The following MCFD2 variants were observed in gnomAD, a reference collection of about 807,000 sequenced individuals.
MCFD2 encodes the protein multiple coagulation factor deficiency protein 2.
A neutral mutation model predicts 12.8 loss-of-function variants in MCFD2; 11 were observed. That is an observed-to-expected ratio of 0.86 (90% CI 0.54 to 1.42). MCFD2 has a LOEUF of 1.42. Ranked by LOEUF, MCFD2 falls within the 40% of genes most tolerant of loss-of-function variation. The pLI, the probability that MCFD2 is intolerant of heterozygous loss-of-function variation, is 0.00. For synonymous variants in MCFD2, 70 were observed against 68.1 expected, an observed-to-expected ratio of 1.03 and a Z score of -0.14; for missense variants, 191 against 178.6, an observed-to-expected ratio of 1.07 and a Z score of -0.40.
chr2:46,922,217 A>G (rs185756789), intron 1 of MCFD2, among the ~76,000 whole-genome samples: 33 of 152,282 alleles, frequency 2.2e-4, no homozygotes, highest in Non-Finnish European at 3.7e-4. Context: ...TGCCAGGCTG[A>G]TACTATAATG....
chr2:46,905,345 G>A lies in MCFD2; in HGVS notation c.*118C>T. The A allele has an allele frequency of 8.6e-7, 1 of 1,167,120 alleles. No individual in the cohort carries two copies. Among genetic ancestry groups the A allele is most frequent in the Non-Finnish European group, 1.3e-6 (1 of 779,156 alleles). The allele number at this position is 1,167,120 out of a possible 1,614,324, so 72.3% of individuals were successfully genotyped here. A position where few individuals can be genotyped will look rare whatever the true frequency, so the allele number is the denominator to read the frequency against. On this transcript the variant is annotated 3_prime_UTR_variant, in exon 4 of 4. Transcript: ENST00000319466. ...CACCCCAGTGTAACGAATCGCTACAGGTTTTTACCAAAATGCTGCAGCAGT... is the reference window on the plus strand; with the variant it reads ...CACCCCAGTGTAACGAATCGCTACAAGTTTTTACCAAAATGCTGCAGCAGT...
At position 46,937,899 on chromosome 2, in the gene MCFD2, G is replaced by A. The variant is rs1166951758; in HGVS notation, c.-8+3673C>T. On this transcript the variant is annotated intron_variant, in intron 1 of 2. Transcript: ENST00000409147. The surrounding 1 kb of genome is among the most constrained non-coding windows in gnomAD (Gnocchi z 4.0). Reference sequence around the variant, plus strand: ...GTCAAGAGAGAAGTCTGTTCAGCAGGTCATGGACTGAAGAAAACTACTGTG... The same window carrying A: ...GTCAAGAGAGAAGTCTGTTCAGCAGATCATGGACTGAAGAAAACTACTGTG... 6.6e-6 allele frequency among the ~76,000 whole-genome samples: 1 copy of A among 152,128 alleles called. No homozygotes were observed. The highest frequency in any genetic ancestry group is 2.4e-5 in the African/African-American group (1 of 41,412).
chr2:46,915,912 A>G (rs1049696307), upstream of MCFD2: 56 of 983,976 alleles, frequency 5.7e-5, no homozygotes, highest in Admixed American at 6.2e-4. Context: ...GGCTGTGAGG[A>G]CGGCTCGCGT....
intron 1 of MCFD2, among the ~76,000 whole-genome samples, chr2:46,922,500 T>C (rs963147394): frequency 6.6e-6 from 1 of 151,990 alleles, no homozygotes; most frequent in African/African-American, 2.4e-5. Flanking sequence ...CAGACCTGAG[T>C]GCGGGCAGAG....
rs921669681 is a variant in MCFD2, at chr2:46,941,487, C to T, written c.-8+85G>A. On this transcript the variant is annotated intron_variant, in intron 1 of 2. Transcript: ENST00000409147. This position sits in a 1 kb window ranked among gnomAD's most constrained non-coding sequence, Gnocchi z 4.2. ...AGTGCGCCCCAGCCAGGACGCCGCC[C>T]CCGGCCGGGTCTCCACTTCTTGGCC... is the stretch of plus-strand genomic sequence containing the variant. 10 of 1,523,308 alleles carry T rather than the reference C, an allele frequency of 6.6e-6. No homozygotes were observed. Among genetic ancestry groups the T allele is most frequent in the Non-Finnish European group, 8.8e-6 (10 of 1,133,884 alleles). The allele number at this position is 1,523,308 out of a possible 1,614,324, so 94.4% of individuals were successfully genotyped here.
rs1445718398 is a variant in MCFD2 at position 46,902,685 on chromosome 2, ACT to A, written c.*2776_*2777del. ...GGCTAGGCTGAACTCAGAATCTCAG[ACT>A]CTGTGGCTAGGCTGACATTCTTATG... On this transcript the variant is annotated 3_prime_UTR_variant, in exon 4 of 4. Coordinates refer to ENST00000319466, the MANE Select transcript of MCFD2 (RefSeq NM_139279.6). 1 of 152,570 alleles carries A rather than the reference ACT, an allele frequency of 6.6e-6. No homozygotes were observed. The highest frequency in any genetic ancestry group is 1.5e-5 in the Non-Finnish European group (1 of 68,036). 9.5% of individuals were successfully genotyped at this position (152,570 alleles called of 1,614,324 possible).
intron 1 of MCFD2, among the ~76,000 whole-genome samples, chr2:46,934,935 G>C (rs1380055057): frequency 6.6e-6 from 1 of 151,460 alleles, no homozygotes; most frequent in African/African-American, 2.4e-5. Context: ...TGAGTAGCTG[G>C]AACTACAGGC....
In MCFD2 at chr2:46,902,482, T is replaced by C. The variant is rs1230089936; in HGVS notation, c.*2981A>G. On this transcript the variant is annotated 3_prime_UTR_variant, in exon 4 of 4. Transcript: ENST00000319466. ...ATAGAAAAGAAAGCTAAACCACTAT[T>C]GATTAGAGAACACACTCAAATTCAG... 1 of 152,602 alleles carries C rather than the reference T, an allele frequency of 6.6e-6. No individual in the cohort carries two copies. The highest frequency in any genetic ancestry group is 1.5e-5 in the Non-Finnish European group (1 of 68,048). 9.5% of individuals were successfully genotyped at this position (152,602 alleles called of 1,614,324 possible).
At chr2:46,928,804 A>T (rs1669539227) in intron 1 of MCFD2, among the ~76,000 whole-genome samples, 1 of 151,962 alleles carries the variant, frequency 6.6e-6, no homozygotes, top group Non-Finnish European at 1.5e-5. Context: ...AATCATATAA[A>T]GTTTACTCAC....
At chr2:46,905,746 C>A (rs925384551) in intron 3 of MCFD2, 152 bp from the exon 4 acceptor site, 7 of 778,464 alleles carry the variant, frequency 9.0e-6, no homozygotes, top group African/African-American at 9.0e-5. Context: ...TATCCACGCT[C>A]ATATGTGTCC....
intron 1 of MCFD2, among the ~76,000 whole-genome samples, chr2:46,914,552 A>G (rs369204446): frequency 6.6e-6 from 1 of 152,232 alleles, no homozygotes; most frequent in Non-Finnish European, 1.5e-5. Flanking sequence ...CTATTTGTTC[A>G]TCTAGGGAGC....
rs1306105825 is a variant in MCFD2, at chr2:46,941,384, G to GC, written c.-8+187dup. On this transcript the variant is annotated intron_variant, in intron 1 of 2. Transcript: ENST00000409147. The surrounding 1 kb of genome is among the most constrained non-coding windows in gnomAD (Gnocchi z 4.2). ...TGCTGGTGCTGCTGCTGCTGCTGCT[G>GC]CCCACCCTCCGCCGCCCGGGCCCCC... 1 of 525,352 alleles carries GC rather than the reference G, an allele frequency of 1.9e-6. No homozygotes were observed. Among genetic ancestry groups the GC allele is most frequent in the African/African-American group, 2.0e-5 (1 of 49,346 alleles). 32.5% of individuals were successfully genotyped at this position (525,352 alleles called of 1,614,324 possible).
In MCFD2 at chr2:46,902,363, G is replaced by C. The variant is rs13424086; in HGVS notation, c.*3100C>G. The C allele has an allele frequency of 0.033, 4,988 of 152,638 alleles. 103 individuals carry two copies. Among genetic ancestry groups the C allele is most frequent in the Non-Finnish European group, 0.047 (3,213 of 68,024 alleles). 9.5% of individuals were successfully genotyped at this position (152,638 alleles called of 1,614,324 possible). On this transcript the variant is annotated 3_prime_UTR_variant, in exon 4 of 4. Coordinates refer to ENST00000319466, the MANE Select transcript of MCFD2 (RefSeq NM_139279.6). Reference sequence around the variant, plus strand: ...AATTATCTTTTCACTTCCTACTTAGGCTAGGCCAGGTGGTAGTTTTACCCC... The same window carrying C: ...AATTATCTTTTCACTTCCTACTTAGCCTAGGCCAGGTGGTAGTTTTACCCC...
At chr2:46,918,237 G>C (rs945975446), upstream of MCFD2, among the ~76,000 whole-genome samples, 2 of 152,156 alleles carry the variant, frequency 1.3e-5, no homozygotes, top group African/African-American at 4.8e-5. Flanking sequence ...TACTCATTCT[G>C]TTGTTCAAGC....
At chr2:46,931,538 G>A (rs1197779919) in intron 1 of MCFD2, among the ~76,000 whole-genome samples, 1 of 152,156 alleles carries the variant, frequency 6.6e-6, no homozygotes, top group Non-Finnish European at 1.5e-5. Flanking sequence ...TCAGAGTAGA[G>A]GTGCCCATGG....
intron 1 of MCFD2, among the ~76,000 whole-genome samples, chr2:46,935,388 C>T (rs1472662060): frequency 1.3e-5 from 2 of 152,128 alleles, no homozygotes; most frequent in Non-Finnish European, 2.9e-5. Context: ...TTAAAATAAA[C>T]TCCTTTCTTG....
At chr2:46,912,601 G>A (rs1398218217) in intron 1 of MCFD2, 1 of 152,214 alleles carries the variant, frequency 6.6e-6, no homozygotes, top group Non-Finnish European at 1.5e-5. Flanking sequence ...GTAGGTATTC[G>A]TCCTGCAGGC....
intron 1 of MCFD2, among the ~76,000 whole-genome samples, chr2:46,923,457 C>G (rs1169510005): frequency 6.6e-6 from 1 of 152,226 alleles, no homozygotes; most frequent in African/African-American, 2.4e-5. Flanking sequence ...TGCTAGAAAA[C>G]AGGGTCAAAG....
chr2:46,924,773 C>G (rs1241960453), intron 1 of MCFD2, among the ~76,000 whole-genome samples: 1 of 152,148 alleles, frequency 6.6e-6, no homozygotes, highest in Non-Finnish European at 1.5e-5. Flanking sequence ...ACTACAGGCA[C>G]ACTGCCAGCA....
Sources: allele counts gnomAD v4.1 joint callset (sites outside exome capture counted in the v4.1 genomes callset), GRCh38; gene constraint gnomAD v4.1.1; non-coding constraint Gnocchi (gnomAD v3.1); transcripts MANE v1.5; gene names NCBI Gene and HGNC (gene_info 2026-07-23, HGNC 2026-07-21).